RNF11: variants seen among roughly 807,000 people sequenced by gnomAD.
RNF11 encodes ring finger protein 11.
Under a neutral mutation model 15.8 loss-of-function variants are expected in RNF11, and 4 were observed. The observed-to-expected ratio is 0.25, with a 90% CI of 0.12 to 0.58. The LOEUF (loss-of-function observed/expected upper bound fraction) is 0.58. Among genes scored for constraint, RNF11 ranks in the 20% least tolerant of loss-of-function variants. The pLI is 0.91. For synonymous variants in RNF11, 68 were observed against 72.3 expected (o/e 0.94, Z 0.30); for missense variants, 139 against 194.4 (o/e 0.71, Z 1.70).
At chr1:51,247,454 G>GTTT (rs111522620) in intron 1 of RNF11, among the ~76,000 whole-genome samples, 2 of 142,696 alleles carry the variant, frequency 1.4e-5, no homozygotes, top group African/African-American at 2.5e-5. Context: ...TTGTTTTTTT[G>GTTT]TTTTTTTTTT....
chr1:51,247,150 A>G (rs1028060642), intron 1 of RNF11, among the ~76,000 whole-genome samples: 3 of 152,144 alleles, frequency 2.0e-5, no homozygotes, highest in Admixed American at 1.3e-4. Flanking sequence ...GAGAGAAGTC[A>G]GTGGAAATGT....
At chr1:51,255,325 A>G (rs1361795644) in intron 1 of RNF11, among the ~76,000 whole-genome samples, 2 of 152,186 alleles carry the variant, frequency 1.3e-5, no homozygotes, top group Admixed American at 6.6e-5. Context: ...CAGTGGCACA[A>G]TCATAGCTCA....
At chr1:51,246,664 C>G (rs1485291380) in intron 1 of RNF11, among the ~76,000 whole-genome samples, 2 of 152,098 alleles carry the variant, frequency 1.3e-5, no homozygotes. Context: ...TGAGACCAGT[C>G]TAGGCAACAC....
intron 1 of RNF11, among the ~76,000 whole-genome samples, chr1:51,242,595 A>G (rs1307110041): frequency 6.6e-6 from 1 of 152,140 alleles, no homozygotes; most frequent in Non-Finnish European, 1.5e-5. Context: ...TGTACTGCTT[A>G]TTTTTAAGCA....
intron 1 of RNF11, among the ~76,000 whole-genome samples, chr1:51,245,347 C>T (rs1213656557): frequency 2.0e-5 from 3 of 152,076 alleles, no homozygotes; most frequent in African/African-American, 7.2e-5. Flanking sequence ...GAGACGGGGT[C>T]TCACTATATT....
At chr1:51,245,927 C>T (rs1349399843) in intron 1 of RNF11, among the ~76,000 whole-genome samples, 2 of 152,172 alleles carry the variant, frequency 1.3e-5, no homozygotes, top group Non-Finnish European at 2.9e-5. Flanking sequence ...CTTATCACTT[C>T]CCTCTTCATG....
At chr1:51,247,454 G>GT (rs111522620) in intron 1 of RNF11, among the ~76,000 whole-genome samples, 3,393 of 142,600 alleles carry the variant, frequency 0.024, 49 homozygotes, top group African/African-American at 0.05. Context: ...TTGTTTTTTT[G>GT]TTTTTTTTTT....
chr1:51,250,400 C>G (rs943601726), intron 1 of RNF11, among the ~76,000 whole-genome samples: 1 of 152,138 alleles, frequency 6.6e-6, no homozygotes, highest in African/African-American at 2.4e-5. Context: ...AATTGTAGAT[C>G]TGTTTTATTT....
intron 1 of RNF11, 129 bp downstream of exon 1, chr1:51,237,008 G>A: frequency 8.3e-7 from 1 of 1,201,918 alleles, no homozygotes; most frequent in Non-Finnish European, 1.1e-6. Context: ...CCTTAGGGCT[G>A]GATCTGAGGG....
chr1:51,270,241 C>A, intron 2 of RNF11, 116 bp downstream of exon 2: 1 of 708,082 alleles, frequency 1.4e-6, no homozygotes, highest in Non-Finnish European at 2.3e-6. Context: ...AAACACTTCG[C>A]TTAATGCAAG....
At chr1:51,266,918 G>A (rs537348084) in intron 1 of RNF11, among the ~76,000 whole-genome samples, 1 of 152,282 alleles carries the variant, frequency 6.6e-6, no homozygotes, top group South Asian at 2.1e-4. Context: ...AGTAAACATT[G>A]GTAAGCAAAA....
At chr1:51,259,880 AAC>A (rs1646922521) in intron 1 of RNF11, among the ~76,000 whole-genome samples, 3 of 152,360 alleles carry the variant, frequency 2.0e-5, no homozygotes, top group African/African-American at 7.2e-5. Context: ...AGATTTCAGA[AAC>A]ACTAAACTTA....
At chr1:51,266,645 T>C (rs1255734248) in intron 1 of RNF11, among the ~76,000 whole-genome samples, 2 of 152,104 alleles carry the variant, frequency 1.3e-5, no homozygotes, top group African/African-American at 4.8e-5. Context: ...GTATCTTTTA[T>C]AGAGACGGGG....
intron 1 of RNF11, among the ~76,000 whole-genome samples, chr1:51,246,599 G>A (rs1646852574): frequency 6.6e-6 from 1 of 152,100 alleles, no homozygotes; most frequent in South Asian, 2.1e-4. Flanking sequence ...GCTCACACCT[G>A]TAATCTCAGC....
chr1:51,263,748 G>T (rs1227752800), intron 1 of RNF11, among the ~76,000 whole-genome samples: 1 of 152,120 alleles, frequency 6.6e-6, no homozygotes, highest in Non-Finnish European at 1.5e-5. Context: ...GGGGAGTTTG[G>T]GGGAGTGACT....
chr1:51,263,715 T>G (rs1646940903), intron 1 of RNF11, among the ~76,000 whole-genome samples: 1 of 152,022 alleles, frequency 6.6e-6, no homozygotes, highest in Non-Finnish European at 1.5e-5. Context: ...AAAAAGCAAA[T>G]TAGTTAGTAG....
chr1:51,246,022 T>C (rs1646850255), intron 1 of RNF11, among the ~76,000 whole-genome samples: 2 of 152,066 alleles, frequency 1.3e-5, no homozygotes, highest in African/African-American at 4.8e-5. Context: ...TCTCAGTACT[T>C]TGGGAGGCTG....
intron 1 of RNF11, among the ~76,000 whole-genome samples, chr1:51,256,470 G>C (rs930517513): frequency 3.3e-5 from 5 of 152,088 alleles, no homozygotes; most frequent in Non-Finnish European, 7.3e-5. Context: ...ACCTATCGAA[G>C]GACACCATAG....
At chr1:51,250,830 G>C in intron 1 of RNF11, 1 of 1,368,152 alleles carries the variant, frequency 7.3e-7, no homozygotes, top group Non-Finnish European at 1.0e-6. Context: ...ATCGATACCA[G>C]CCATCATGAG....
Sources: allele counts gnomAD v4.1 joint callset (sites outside exome capture counted in the v4.1 genomes callset), GRCh38; gene constraint gnomAD v4.1.1; transcripts MANE v1.5; gene names NCBI Gene and HGNC (gene_info 2026-07-23, HGNC 2026-07-21).